The following NDUFAF6 variants were observed in gnomAD, a reference collection of about 807,000 sequenced individuals.
NDUFAF6 encodes NADH dehydrogenase (ubiquinone) complex I, assembly factor 6.
NDUFAF6 carries 45 observed loss-of-function variants against 40.8 expected under a neutral mutation model. That is an observed-to-expected ratio of 1.10 (90% CI 0.87 to 1.42). NDUFAF6 has a LOEUF of 1.42. Among genes scored for constraint, NDUFAF6 ranks in the 40% most tolerant of loss-of-function variants. The pLI, the probability that NDUFAF6 is intolerant of heterozygous loss-of-function variation, is 0.00. For missense variants in NDUFAF6, 435 were observed against 418.5 expected (o/e 1.04, Z -0.34); for synonymous variants, 185 against 155.9 (o/e 1.19, Z -1.39).
chr8:95,005,470 C>T (rs1826921399), intron 2 of NDUFAF6, among the ~76,000 whole-genome samples: 1 of 145,504 alleles, frequency 6.9e-6, no homozygotes, highest in African/African-American at 2.6e-5. Context: ...CATTATTCAA[C>T]AGATTGGATT....
chr8:94,977,643 C>T (rs531335609), intron 1 of NDUFAF6, among the ~76,000 whole-genome samples: 3 of 151,560 alleles, frequency 2.0e-5, no homozygotes, highest in Admixed American at 6.6e-5. Context: ...GTTTTGCTTC[C>T]GCTTCTCCTG....
intron 7 of NDUFAF6, among the ~76,000 whole-genome samples, chr8:95,049,146 C>T (rs1315901335): frequency 6.6e-6 from 1 of 152,146 alleles, no homozygotes; most frequent in East Asian, 1.9e-4. Flanking sequence ...AATAAACAAT[C>T]ACGAGTTTGG....
chr8:95,048,134 T>C (rs1831018875), intron 6 of NDUFAF6, among the ~76,000 whole-genome samples: 1 of 152,048 alleles, frequency 6.6e-6, no homozygotes. Flanking sequence ...GTTGAGGCTA[T>C]AATGAGCCAT....
intron 3 of NDUFAF6, among the ~76,000 whole-genome samples, chr8:95,039,909 G>T (rs1322127281): frequency 6.6e-6 from 1 of 152,332 alleles, no homozygotes; most frequent in South Asian, 2.1e-4. Flanking sequence ...GATTATAGGC[G>T]TGAGTCACTG....
At chr8:94,986,192 A>T (rs1825890429) in intron 2 of NDUFAF6, among the ~76,000 whole-genome samples, 1 of 152,182 alleles carries the variant, frequency 6.6e-6, no homozygotes, top group South Asian at 2.1e-4. Context: ...ATTTTTAAAA[A>T]ATCTCATGTT....
chr8:94,919,979 CAT>C (rs1373841378), intron 1 of NDUFAF6, among the ~76,000 whole-genome samples: 21 of 152,118 alleles, frequency 1.4e-4, no homozygotes, highest in Non-Finnish European at 1.5e-5. Flanking sequence ...TTTTTTTTAA[CAT>C]AGAATTTCCT....
chr8:95,006,723 T>A (rs1385775952), intron 2 of NDUFAF6, among the ~76,000 whole-genome samples: 1 of 151,488 alleles, frequency 6.6e-6, no homozygotes, highest in Non-Finnish European at 1.5e-5. Context: ...CTACAAAAAA[T>A]ACAAAAACGA....
downstream of NDUFAF6, among the ~76,000 whole-genome samples, chr8:95,106,423 A>G (rs1223251397): frequency 6.6e-6 from 1 of 152,240 alleles, no homozygotes; most frequent in Admixed American, 6.5e-5. Context: ...AAAACTGGCT[A>G]GCCATATGCA....
intron 4 of NDUFAF6, among the ~76,000 whole-genome samples, chr8:95,111,796 C>T (rs1353018980): frequency 3.3e-5 from 5 of 152,164 alleles, no homozygotes; most frequent in African/African-American, 1.2e-4. Flanking sequence ...AGACCAAGCC[C>T]AGACTATAAA....
At chr8:94,972,660 G>A (rs1288569922) in intron 1 of NDUFAF6, among the ~76,000 whole-genome samples, 1 of 151,480 alleles carries the variant, frequency 6.6e-6, no homozygotes, top group Non-Finnish European at 1.5e-5. Context: ...GGAGGACAAC[G>A]TGGGAGGATT....
At chr8:94,939,419 CAG>C (rs968458597) in intron 1 of NDUFAF6, among the ~76,000 whole-genome samples, 13 of 152,288 alleles carry the variant, frequency 8.5e-5, no homozygotes, top group Admixed American at 2.0e-4. Context: ...GTTTTTGAGA[CAG>C]AGTCTTGCTC....
upstream of NDUFAF6, among the ~76,000 whole-genome samples, chr8:94,953,139 G>A (rs13252961): frequency 6.6e-6 from 1 of 152,188 alleles, no homozygotes; most frequent in South Asian, 2.1e-4. Flanking sequence ...CCTGAGGTCG[G>A]GAGTTCAAGA....
Position 94,925,732 on chromosome 8 carries a change from G to T in NDUFAF6, c.-935-19751G>T, listed in dbSNP as rs1819830961. On this transcript the variant is annotated intron_variant, in intron 1 of 14. Transcript: ENST00000396113. ...TTTTCATATTTTTAGTAGAGACAGG[G>T]TTTTGCCATGTTGGCCAGGCTGATC... is the stretch of plus-strand genomic sequence containing the variant. Among the ~76,000 whole-genome samples, 4 of 152,156 alleles carry T rather than the reference G, an allele frequency of 2.6e-5. No homozygotes were observed. In the South Asian group the frequency reaches 8.3e-4, roughly 32 times the overall value.
At chr8:94,949,566 C>T (rs10108430) in intron 2 of NDUFAF6, among the ~76,000 whole-genome samples, 66,489 of 151,648 alleles carry the variant, frequency 0.44, 15,658 homozygotes, top group East Asian at 0.72. Flanking sequence ...CAACAAAAAC[C>T]GGGAGCTGAG....
chr8:95,063,981 C>T (rs1457786080), intron 9 of NDUFAF6, among the ~76,000 whole-genome samples: 1 of 151,352 alleles, frequency 6.6e-6, no homozygotes, highest in Non-Finnish European at 1.5e-5. Flanking sequence ...ACACCATTCT[C>T]CTGCCTCAGC....
intron 1 of NDUFAF6, among the ~76,000 whole-genome samples, chr8:94,923,349 G>A (rs1234448031): frequency 6.6e-6 from 1 of 152,164 alleles, no homozygotes; most frequent in African/African-American, 2.4e-5. Flanking sequence ...TGTCCAGTAT[G>A]GTAGCTGCTA....
intron 1 of NDUFAF6, among the ~76,000 whole-genome samples, chr8:94,912,925 G>T (rs1382573853): frequency 6.6e-6 from 1 of 152,188 alleles, no homozygotes; most frequent in Non-Finnish European, 1.5e-5. Flanking sequence ...GTTGCAGTGA[G>T]CCCAGATCAC....
At chr8:95,012,279 A>G (rs993392922) in intron 2 of NDUFAF6, among the ~76,000 whole-genome samples, 1 of 152,064 alleles carries the variant, frequency 6.6e-6, no homozygotes, top group Non-Finnish European at 1.5e-5. Flanking sequence ...TAAAACCCTT[A>G]TGTAAGTAAG....
intron 2 of NDUFAF6, among the ~76,000 whole-genome samples, chr8:94,985,678 G>C (rs911548867): frequency 6.8e-6 from 1 of 147,642 alleles, no homozygotes; most frequent in African/African-American, 2.5e-5. Flanking sequence ...TGGGATTACA[G>C]GCATGCACCA....
Sources: allele counts gnomAD v4.1 joint callset (sites outside exome capture counted in the v4.1 genomes callset), GRCh38; gene constraint gnomAD v4.1.1; transcripts MANE v1.5; gene names NCBI Gene and HGNC (gene_info 2026-07-23, HGNC 2026-07-21).